The following STAT3 variants were observed in gnomAD, a reference collection of about 807,000 sequenced individuals.
The protein encoded by STAT3 is signal transducer and activator of transcription 3, also known as DNA-binding protein APRF.
Under a neutral mutation model 114.3 loss-of-function variants are expected in STAT3, and 7 were observed. That is an observed-to-expected ratio of 0.06 (90% confidence interval 0.03 to 0.11). STAT3 has a LOEUF of 0.11. Ranked by LOEUF, STAT3 falls within the 10% of genes least tolerant of loss-of-function variation. The pLI is 1.00. For synonymous variants in STAT3, 331 were observed against 354.5 expected (o/e 0.93, Z 0.74); for missense variants, 364 against 960.9 (o/e 0.38, Z 8.21).
At position 42,314,284 on chromosome 17, in the gene STAT3, T is replaced by C. The variant is rs2144595195; in HGVS notation, c.*1461A>G. ...GTGCCACTGGATATCACCAAGAAAC[T>C]GGCTAAGAACCATATTCCCTGAGCT... is the stretch of plus-strand genomic sequence containing the variant. On this transcript the variant is annotated 3_prime_UTR_variant, in exon 24 of 24. Coordinates refer to ENST00000264657, the MANE Select transcript of STAT3 (RefSeq NM_139276.3). 1 of 233,296 alleles carries C rather than the reference T, an allele frequency of 4.3e-6. No homozygotes were observed. The highest frequency in any genetic ancestry group is 6.0e-5 in the East Asian group (1 of 16,596). 14.5% of individuals were successfully genotyped at this position (233,296 alleles called of 1,614,324 possible). A position where few individuals can be genotyped will look rare whatever the true frequency, so the allele number is the denominator to read the frequency against.
chr17:42,350,217 A>G (rs2082879303), intron 1 of STAT3, among the ~76,000 whole-genome samples: 1 of 152,230 alleles, frequency 6.6e-6, no homozygotes. Flanking sequence ...ATTCTCAGAG[A>G]AGGCACGAAG....
At chr17:42,359,598 C>T (rs746972365) in intron 1 of STAT3, among the ~76,000 whole-genome samples, 9 of 152,006 alleles carry the variant, frequency 5.9e-5, no homozygotes, top group Non-Finnish European at 1.2e-4. Flanking sequence ...AAAGAGCAGT[C>T]GAAATAAGTA....
At chr17:42,369,118 G>C (rs149508551) in intron 1 of STAT3, among the ~76,000 whole-genome samples, 1 of 152,236 alleles carries the variant, frequency 6.6e-6, no homozygotes, top group Non-Finnish European at 1.5e-5. Context: ...CCGGCACTTT[G>C]GGAGGCCGAG....
chr17:42,365,476 G>A (rs992556420), intron 1 of STAT3, among the ~76,000 whole-genome samples: 13 of 152,204 alleles, frequency 8.5e-5, no homozygotes, highest in African/African-American at 3.1e-4. Context: ...ATAGTCAAAT[G>A]ATTGCTGCTT....
chr17:42,321,273 C>A (rs1453748404), intron 21 of STAT3, among the ~76,000 whole-genome samples: 4 of 151,634 alleles, frequency 2.6e-5, no homozygotes, highest in African/African-American at 9.7e-5. Context: ...GCACAAACCA[C>A]CACACGTGGC....
At chr17:42,385,459 C>G (rs957748079) in intron 1 of STAT3, among the ~76,000 whole-genome samples, 1 of 147,844 alleles carries the variant, frequency 6.8e-6, no homozygotes, top group Non-Finnish European at 1.5e-5. Context: ...CAGTGAGCCA[C>G]GATCATGCCA....
chr17:42,323,304 G>T lies in STAT3; in HGVS notation c.1704C>A (p.Ile568=). 8.1e-6 allele frequency: 13 copies of T among 1,614,156 alleles called. No homozygotes were observed. The highest frequency in any genetic ancestry group is 1.1e-5 in the Non-Finnish European group (13 of 1,180,030). Residue 568 remains isoleucine (I), a synonymous_variant, in exon 19 of 24, where the codon ATC becomes ATA. Transcript: ENST00000264657. ...GFSFWVWLDN[I]IDLVKKYILA... is the part of the protein sequence containing the mutation. ...GGATGTACTTTTTCACAAGGTCAAT[G>T]ATATTGTCCAGCCAGACCCAGAAGG...
intron 14 of STAT3, 73 bp from the exon 15 acceptor site, chr17:42,326,272 C>T: frequency 1.4e-6 from 2 of 1,404,524 alleles, no homozygotes; most frequent in Non-Finnish European, 2.0e-6. Flanking sequence ...CTTTGGGAGG[C>T]CAAGGCAGGA....
chr17:42,367,086 G>A (rs1439237597), intron 1 of STAT3, among the ~76,000 whole-genome samples: 4 of 151,344 alleles, frequency 2.6e-5, no homozygotes, highest in Non-Finnish European at 2.9e-5. Context: ...AGGTTGCAGT[G>A]AGCTGAGATC....
chr17:42,378,373 G>C (rs2084590098), intron 1 of STAT3, among the ~76,000 whole-genome samples: 1 of 152,176 alleles, frequency 6.6e-6, no homozygotes, highest in South Asian at 2.1e-4. Context: ...AGCCTCCAGA[G>C]TAGCTGGGAT....
chr17:42,362,390 T>G (rs1319189347), intron 1 of STAT3, among the ~76,000 whole-genome samples: 2 of 152,152 alleles, frequency 1.3e-5, no homozygotes, highest in East Asian at 1.9e-4. Context: ...TGGCAAGAGC[T>G]GTTAACTGTC....
chr17:42,334,478 T>C (rs1474910909), intron 8 of STAT3, among the ~76,000 whole-genome samples: 1 of 136,604 alleles, frequency 7.3e-6, no homozygotes, highest in Admixed American at 8.2e-5. Context: ...AGAGTCTTAC[T>C]CTGTTGCCCA....
At chr17:42,340,436 G>A (rs2082396795) in intron 4 of STAT3, among the ~76,000 whole-genome samples, 1 of 151,758 alleles carries the variant, frequency 6.6e-6, no homozygotes, top group Non-Finnish European at 1.5e-5. Flanking sequence ...GGAAACCAAG[G>A]CAGGAGGATC....
chr17:42,349,276 C>T (rs2082833771), intron 1 of STAT3, among the ~76,000 whole-genome samples: 1 of 152,194 alleles, frequency 6.6e-6, no homozygotes. Flanking sequence ...GATTTCTATT[C>T]CCTTGTCTAT....
chr17:42,322,624 C>G, intron 20 of STAT3, 130 bp from the exon 21 acceptor site: 2 of 984,612 alleles, frequency 2.0e-6, no homozygotes, highest in Non-Finnish European at 1.6e-6. Context: ...CCTGAACACC[C>G]TGTTCAGTGG....
rs765141316 is a variant in STAT3 at position 42,337,130 on chromosome 17, C to T, written c.797+305G>A. Among the ~76,000 whole-genome samples, 68 of 152,052 alleles carry T rather than the reference C, an allele frequency of 4.5e-4. 1 individual carries two copies. The highest frequency in any genetic ancestry group is 7.2e-5 in the African/African-American group (3 of 41,382). The stretch of plus-strand genomic sequence containing the variant: ...GAGTAGCTGGGACTACAGGTGCGCA[C>T]CACCACGCCCGGCTAATTTTTTTAT... On this transcript the variant is annotated intron_variant, in intron 8 of 23. Coordinates refer to ENST00000264657, the MANE Select transcript of STAT3 (RefSeq NM_139276.3). This position sits in a 1 kb window ranked among gnomAD's most constrained non-coding sequence, Gnocchi z 4.0.
Position 42,323,157 on chromosome 17 carries a change from G to A in STAT3, c.1749-14C>T. 2 of 1,614,236 alleles carry A rather than the reference G, an allele frequency of 1.2e-6. No homozygotes were observed. Among genetic ancestry groups the A allele is most frequent in the South Asian group, 1.1e-5 (1 of 91,088 alleles). On this transcript the variant is annotated splice_polypyrimidine_tract_variant and intron_variant, in intron 19 of 23. Transcript: ENST00000264657. ...CCCATGATGTACCTGGAGCCAAGGA[G>A]GAGGAACAATGTTGTTATTGCTAAC... is the stretch of plus-strand genomic sequence containing the variant.
intron 1 of STAT3, 116 bp from the exon 2 acceptor site, chr17:42,348,655 G>C (rs1012556270): frequency 8.5e-7 from 1 of 1,169,720 alleles, no homozygotes; most frequent in African/African-American, 1.5e-5. Flanking sequence ...AGATGCTCTG[G>C]GGAGGACCCT....
intron 1 of STAT3, among the ~76,000 whole-genome samples, chr17:42,349,361 A>G (rs2145024990): frequency 6.6e-6 from 1 of 152,392 alleles, no homozygotes; most frequent in East Asian, 1.9e-4. Context: ...TGCATGGCAC[A>G]TAACAGATGC....
Sources: gnomAD v4.1 joint callset for allele counts (sites outside exome capture counted in the v4.1 genomes callset) on GRCh38, gnomAD v4.1.1 for gene constraint, Gnocchi (gnomAD v3.1) non-coding constraint, MANE v1.5 for transcripts, NCBI Gene and HGNC (gene_info 2026-07-23, HGNC 2026-07-21) for gene names.